ACSL4: variants seen among roughly 807,000 people sequenced by gnomAD.
The protein encoded by ACSL4 is acyl-CoA synthetase long chain family member 4.
In ACSL4, 9 loss-of-function variants were observed where a neutral mutation model predicts 49.1. The observed-to-expected ratio is 0.18, with a 90% confidence interval of 0.11 to 0.32. The LOEUF is 0.32. Ranked by LOEUF, ACSL4 falls within the 10% of genes least tolerant of loss-of-function variation. The probability of loss-of-function intolerance (pLI) is 1.00; values close to 1 mark genes in which losing one functional copy is unlikely to be tolerated. For synonymous variants in ACSL4, 191 were observed against 170.3 expected (o/e 1.12, Z -0.95); for missense variants, 333 against 493.7 (o/e 0.67, Z 3.08).
rs1306239030 is a variant in ACSL4, at chrX:109,668,205, G to A, written c.1211C>T (p.Pro404Leu). The A allele has an allele frequency of 8.3e-7, 1 of 1,208,607 alleles. No homozygotes were observed. The highest frequency in any genetic ancestry group is 1.8e-5 in the African/African-American group (1 of 57,083). The stretch of plus-strand genomic sequence containing the variant: ...GAATCGGTGTGTCTGAGGAGATAGC[G>A]GGGCCCCTCCAGACAGCATCATGCG... ...NVRMMLSGGA[P>L]LSPQTHRFMN... Residue 404 changes from proline to leucine, a missense_variant, in exon 11 of 16, where the codon CCG becomes CTG. Physicochemically the swap from Pro to Leu is moderately conservative, Grantham distance 98. Transcript: ENST00000672401.
At chrX:109,674,804 T>C (rs1261492853) in intron 8 of ACSL4, among the ~76,000 whole-genome samples, 1 of 112,390 alleles carries the variant, frequency 8.9e-6, no homozygotes, top group Non-Finnish European at 1.9e-5. Flanking sequence ...AAAAACTTGA[T>C]TAAGACAGAT....
rs1170590404 is a variant in ACSL4 at position 109,643,675 on chromosome X, CA to C, written c.*353del. 2 of 163,902 alleles carry C rather than the reference CA, an allele frequency of 1.2e-5. No homozygotes were observed. Among genetic ancestry groups the C allele is most frequent in the African/African-American group, 6.2e-5 (2 of 32,480 alleles). The allele number at this position is 163,902 out of a possible 1,213,427, so 13.5% of individuals were successfully genotyped here. On this transcript the variant is annotated 3_prime_UTR_variant, in exon 16 of 16. Coordinates refer to ENST00000672401, the MANE Select transcript of ACSL4 (RefSeq NM_001318510.2). ...GGAAGACAAGAGGCATTGGAAGCTG[CA>C]AATTTCCTCAAACTACATTCTACTC...
intron 1 of ACSL4, among the ~76,000 whole-genome samples, chrX:109,696,901 G>A (rs1724968466): frequency 9.0e-6 from 1 of 110,947 alleles, no homozygotes; most frequent in Non-Finnish European, 1.9e-5. Context: ...AAAATTAGCC[G>A]AACATGGTGG....
chrX:109,709,145 C>G (rs1926573151), intron 1 of ACSL4, among the ~76,000 whole-genome samples: 1 of 111,562 alleles, frequency 9.0e-6, no homozygotes, highest in Admixed American at 9.5e-5. Flanking sequence ...AGAATCAGTC[C>G]CCTACAGGAA....
At chrX:109,663,176 A>C in intron 13 of ACSL4, 35 bp downstream of exon 13, 2 of 1,139,151 alleles carry the variant, frequency 1.8e-6, no homozygotes, top group Non-Finnish European at 2.4e-6. Flanking sequence ...AAGTTATAAA[A>C]ACTAAAGAAA....
chrX:109,645,070 T>A (rs1309745208), intron 15 of ACSL4, among the ~76,000 whole-genome samples: 3 of 112,743 alleles, frequency 2.7e-5, no homozygotes, highest in Non-Finnish European at 3.8e-5. Context: ...GAGATCAAAC[T>A]GCAAGGTGGC....
At chrX:109,720,661 C>T (rs1927476833) in intron 1 of ACSL4, among the ~76,000 whole-genome samples, 1 of 111,943 alleles carries the variant, frequency 8.9e-6, no homozygotes, top group Non-Finnish European at 1.9e-5. Flanking sequence ...TGCTATAATT[C>T]ACCAATACAG....
chrX:109,672,919 A>G (rs1923383986), intron 9 of ACSL4, among the ~76,000 whole-genome samples: 1 of 110,141 alleles, frequency 9.1e-6, no homozygotes, highest in African/African-American at 3.3e-5. Flanking sequence ...AAGTGTGCAG[A>G]CTCTCTATCT....
intron 1 of ACSL4, among the ~76,000 whole-genome samples, chrX:109,705,699 C>T (rs1378916474): frequency 9.0e-6 from 1 of 110,523 alleles, no homozygotes; most frequent in Admixed American, 9.6e-5. Flanking sequence ...TTTTAAATGC[C>T]AGAAAGTTCC....
chrX:109,730,888 G>A (rs770718796), intron 1 of ACSL4, among the ~76,000 whole-genome samples: 2 of 111,365 alleles, frequency 1.8e-5, no homozygotes, highest in Non-Finnish European at 3.8e-5. Context: ...GGATGGTCTC[G>A]ATCTCCTGAC....
At chrX:109,705,792 G>C (rs1178669187) in intron 1 of ACSL4, among the ~76,000 whole-genome samples, 1 of 112,453 alleles carries the variant, frequency 8.9e-6, no homozygotes. Context: ...CCACCTCCCG[G>C]GTTCAAGCGA....
Position 109,681,201 on chromosome X carries a change from G to A in ACSL4, c.516+65C>T, listed in dbSNP as rs764220229. ...AGCCTGCAACAAAAATTCACTTACT[G>A]AATGAATATTTTTCTGTCCTGCCAG... On this transcript the variant is annotated intron_variant, in intron 5 of 15. Transcript: ENST00000672401. 2,419 of 1,198,458 alleles carry A rather than the reference G, an allele frequency of 2.0e-3. 4 individuals carry two copies. Among genetic ancestry groups the A allele is most frequent in the Non-Finnish European group, 2.2e-3 (1,920 of 885,441 alleles).
At chrX:109,673,599 A>C (rs1923445405) in intron 9 of ACSL4, among the ~76,000 whole-genome samples, 1 of 112,396 alleles carries the variant, frequency 8.9e-6, no homozygotes. Flanking sequence ...TGCAATTAGA[A>C]GCTAAAAGGA....
chrX:109,654,274 C>T (rs1376951587), intron 15 of ACSL4, among the ~76,000 whole-genome samples: 1 of 110,672 alleles, frequency 9.0e-6, no homozygotes, highest in Non-Finnish European at 1.9e-5. Flanking sequence ...TGTAATCTTG[C>T]CACCCAAAGA....
At chrX:109,685,080 T>TTTTC in intron 2 of ACSL4, among the ~76,000 whole-genome samples, 1 of 107,242 alleles carries the variant, frequency 9.3e-6, no homozygotes, top group Non-Finnish European at 1.9e-5. Context: ...GTAATATTTC[T>TTTTC]TTTCTTTCTT....
chrX:109,726,922 G>C (rs1161090902), intron 1 of ACSL4, among the ~76,000 whole-genome samples: 1 of 106,962 alleles, frequency 9.3e-6, no homozygotes, highest in Non-Finnish European at 1.9e-5. Flanking sequence ...TCACTATGTT[G>C]TCCAGGCTGG....
intron 13 of ACSL4, among the ~76,000 whole-genome samples, 196 bp from the exon 14 acceptor site, chrX:109,661,841 C>G (rs1311199824): frequency 1.8e-5 from 2 of 110,161 alleles, no homozygotes; most frequent in African/African-American, 6.6e-5. Flanking sequence ...ATAATGTTGC[C>G]CATACACACC....
chrX:109,670,600 GCTCTCCCTCTCCCTCCTCTCCCTC>G (rs1436202035), intron 9 of ACSL4, among the ~76,000 whole-genome samples: 1 of 101,701 alleles, frequency 9.8e-6, no homozygotes, highest in Non-Finnish European at 2.0e-5. Context: ...AAAAAAAAAA[GCTCTCCCTCTCCCTCCTCTCCCTC>G]CTCTCCCTCT....
Position 109,678,526 on chromosome X carries a change from T to A in ACSL4, c.656-111A>T, listed in dbSNP as rs1363879544. The A allele has an allele frequency of 3.6e-5, 35 of 981,221 alleles. No homozygotes were observed. The East Asian group carries it at 1.1e-3, about 31-fold the overall frequency. The allele number at this position is 981,221 out of a possible 1,213,427, so 80.9% of individuals were successfully genotyped here. ...AACGATAAGCTATCAATAGACAGTA[T>A]TTGCTTTAAATCATCAAAACGAGCT... On this transcript the variant is annotated intron_variant, in intron 6 of 15. Coordinates refer to ENST00000672401, the MANE Select transcript of ACSL4 (RefSeq NM_001318510.2).
Sources: allele counts gnomAD v4.1 joint callset (sites outside exome capture counted in the v4.1 genomes callset), GRCh38; gene constraint gnomAD v4.1.1; transcripts MANE v1.5; gene names NCBI Gene and HGNC (gene_info 2026-07-23, HGNC 2026-07-21).